The following NELFA variants were observed in gnomAD, a reference collection of about 807,000 sequenced individuals.
NELFA encodes negative elongation factor complex member A, also known as negative elongation factor A.
In NELFA, 35 loss-of-function variants were observed where a neutral mutation model predicts 51.8. The ratio of observed to expected loss-of-function variants is 0.68; its 90% CI spans 0.52 to 0.90. The LOEUF is 0.90. Ranked by LOEUF, NELFA falls within the 40% of genes least tolerant of loss-of-function variation. NELFA has a pLI of 0.00. For synonymous variants in NELFA, 417 were observed against 338.4 expected (o/e 1.23, Z -2.55); for missense variants, 658 against 746.4 (o/e 0.88, Z 1.38).
At chr4:1,997,351 G>A (rs1728453263) in intron 1 of NELFA, among the ~76,000 whole-genome samples, 1 of 152,200 alleles carries the variant, frequency 6.6e-6, no homozygotes, top group Non-Finnish European at 1.5e-5. Flanking sequence ...GTCTGGGTAA[G>A]TAAAACTACA....
chr4:2,007,534 A>G (rs973747566), intron 1 of NELFA, among the ~76,000 whole-genome samples: 9 of 152,210 alleles, frequency 5.9e-5, no homozygotes, highest in African/African-American at 2.2e-4. Flanking sequence ...AAAATACACT[A>G]TGATACCATC....
intron 1 of NELFA, among the ~76,000 whole-genome samples, chr4:1,997,561 T>C (rs935126689): frequency 2.0e-5 from 3 of 152,356 alleles, no homozygotes; most frequent in East Asian, 3.9e-4. Context: ...TAAAGTTCCT[T>C]TGTGCTCACA....
rs746328582 is a variant in NELFA, at chr4:1,986,357, G to A, written c.680C>T (p.Thr227Met). The change falls in exon 5 of 11, where the codon ACG (threonine) becomes ATG (methionine). Residue 227 changes from threonine (T) to methionine (M), a missense_variant. Thr to Met is a moderately conservative substitution (Grantham distance 81). Around this residue, in one of 3 missense-constraint regions of NELFA, gnomAD observed 371 missense variants for 448.3 expected, o/e 0.83. Coordinates refer to ENST00000382882, the MANE Select transcript of NELFA (RefSeq NM_005663.5). ...IPKQAPFRSP[T>M]APSVFSPTGN... ...TGTGGGGCTGAAGACGCTGGGCGCCGTGGGGCTTCTGAAGGGCGCCTGCTT... is the reference window on the plus strand; with the variant it reads ...TGTGGGGCTGAAGACGCTGGGCGCCATGGGGCTTCTGAAGGGCGCCTGCTT... The A allele has an allele frequency of 1.1e-5, 17 of 1,608,140 alleles. No homozygotes were observed. Among genetic ancestry groups the A allele is most frequent in the Admixed American group, 1.0e-4 (6 of 59,286 alleles).
chr4:1,987,129 T>C (rs1351557681), intron 4 of NELFA, among the ~76,000 whole-genome samples: 1 of 152,178 alleles, frequency 6.6e-6, no homozygotes, highest in Non-Finnish European at 1.5e-5. Context: ...AGATGCCTTC[T>C]ACTAGGTCCC....
chr4:1,985,572 G>C (rs369812418), intron 7 of NELFA, among the ~76,000 whole-genome samples: 1 of 152,180 alleles, frequency 6.6e-6, no homozygotes, highest in Admixed American at 6.5e-5. Flanking sequence ...GCAGGTTCCC[G>C]CTCCAAGCCT....
In NELFA at chr4:1,989,222, A is replaced by C. The variant is rs1177784052; in HGVS notation, c.544+486T>G. Among the ~76,000 whole-genome samples the C allele has an allele frequency of 6.6e-6, 1 of 152,228 alleles. No homozygotes were observed. The highest frequency in any genetic ancestry group is 1.9e-4 in the East Asian group (1 of 5,202). The stretch of plus-strand genomic sequence containing the variant: ...CAGCCTCCCAAAGTGCTGGGTTTAC[A>C]GGTGTGAGCCACCATGCCCAGCCTA... On this transcript the variant is annotated intron_variant, in intron 3 of 10. Transcript: ENST00000382882. This position sits in a 1 kb window ranked among gnomAD's most constrained non-coding sequence, Gnocchi z 4.8.
At chr4:1,992,800 G>C (rs1728311446) in intron 1 of NELFA, among the ~76,000 whole-genome samples, 1 of 152,210 alleles carries the variant, frequency 6.6e-6, no homozygotes, top group South Asian at 2.1e-4. Flanking sequence ...GCAGAGATCA[G>C]AGGTCGTGCC....
In NELFA at chr4:1,983,643, G is replaced by A. The variant is rs1038710470; in HGVS notation, c.1355C>T (p.Thr452Met). ...CAGGATGAGGGCCTTCTCGGGCCGCGTGACTTTGTTGGCCGTCTTGAACAT... is the reference window on the plus strand; with the variant it reads ...CAGGATGAGGGCCTTCTCGGGCCGCATGACTTTGTTGGCCGTCTTGAACAT... The part of the protein sequence containing the change: ...QEMFKTANKV[T>M]RPEKALILGF... Residue 452 changes from threonine to methionine, a missense_variant, in exon 10 of 11, where the codon ACG becomes ATG. Around this residue, in one of 3 missense-constraint regions of NELFA, gnomAD observed 87 missense variants for 130.2 expected, o/e 0.67. Transcript: ENST00000382882. 3.7e-6 allele frequency: 6 copies of A among 1,614,092 alleles called. No homozygotes were observed. Among genetic ancestry groups the A allele is most frequent in the Non-Finnish European group, 4.2e-6 (5 of 1,179,980 alleles).
intron 1 of NELFA, among the ~76,000 whole-genome samples, chr4:1,999,934 C>A (rs1431850271): frequency 6.6e-6 from 1 of 152,156 alleles, no homozygotes; most frequent in Non-Finnish European, 1.5e-5. Flanking sequence ...GTCTCTCAGA[C>A]CACAGTGCAA....
At chr4:1,992,755 T>A in intron 1 of NELFA, 1 of 177,184 alleles carries the variant, frequency 5.6e-6, no homozygotes, top group Non-Finnish European at 1.2e-5. Context: ...ACTGTCCTCA[T>A]GGGCTTCCTG....
chr4:1,985,888 G>T lies in NELFA; in HGVS notation c.836-24C>A, dbSNP rs747197729. On this transcript the variant is annotated intron_variant, in intron 6 of 10. Coordinates refer to ENST00000382882, the MANE Select transcript of NELFA (RefSeq NM_005663.5). ...ATCTGTGGACAAAACAGGAGTCCTC[G>T]CCAGTGCCCGGGCGCGTCTGCAGTG... 1.0e-5 allele frequency: 16 copies of T among 1,591,984 alleles called. No individual in the cohort carries two copies. In the East Asian group the frequency reaches 3.6e-4, roughly 36 times the overall value.
intron 2 of NELFA, 90 bp downstream of exon 2, chr4:1,991,454 G>T: frequency 7.4e-7 from 1 of 1,354,322 alleles, no homozygotes; most frequent in Non-Finnish European, 1.0e-6. Context: ...AAAACGTAAA[G>T]GTCTAAAAAT....
rs769118364 is a variant in NELFA, at chr4:1,984,827, G to C, written c.1017C>G (p.Pro339=). 9.6e-6 allele frequency: 15 copies of C among 1,567,618 alleles called. No homozygotes were observed. The South Asian group carries it at 1.8e-4, about 18-fold the overall frequency. The change falls in exon 8 of 11, where the codon CCC becomes CCG. Residue 339 remains proline (P), a synonymous_variant. Coordinates refer to ENST00000382882, the MANE Select transcript of NELFA (RefSeq NM_005663.5). ...PSVVPASSYI[P]SSETPPAPSS... ...ACTCACCTGGGGGCGTCTCGGAGCT[G>C]GGGATGTAGGAGGAGGCGGGAACCA...
At position 1,985,050 on chromosome 4, in the gene NELFA, C is replaced by T. The variant is rs553867035; in HGVS notation, c.925-131G>A. On this transcript the variant is annotated intron_variant, in intron 7 of 10. Transcript: ENST00000382882. ...AGCTAGAGCAGGAAGGCGGGGGCCA[C>T]TCTCCCGAGCTCCCTGGGCTAGACA... 2.7e-5 allele frequency: 17 copies of T among 641,002 alleles called. No individual in the cohort carries two copies. In the South Asian group the frequency reaches 3.3e-4, roughly 12 times the overall value. 39.7% of individuals were successfully genotyped at this position (641,002 alleles called of 1,614,324 possible). A position where few individuals can be genotyped will look rare whatever the true frequency, so the allele number is the denominator to read the frequency against.
In NELFA at chr4:1,983,367, G is replaced by A; in HGVS notation, c.1539C>T (p.Gly513=). 1.2e-6 allele frequency: 2 copies of A among 1,614,222 alleles called. No individual in the cohort carries two copies. Among genetic ancestry groups the A allele is most frequent in the South Asian group, 1.1e-5 (1 of 91,090 alleles). Residue 513 remains glycine (G), a synonymous_variant, in exon 11 of 11, where the codon GGC becomes GGT. Transcript: ENST00000382882. The stretch of plus-strand genomic sequence containing the variant: ...TGTACTTCTTGAAGCGCGTCCACTG[G>A]CCCGTGGCATAGTTCATCTCAAACA... ...DTVFEMNYAT[G]QWTRFKKYKP...
At chr4:1,991,448 C>T (rs1272906928) in intron 2 of NELFA, 96 bp downstream of exon 2, 5 of 1,309,960 alleles carry the variant, frequency 3.8e-6, no homozygotes, top group Admixed American at 3.7e-5. Flanking sequence ...CACGGAAAAA[C>T]GTAAAGGTCT....
chr4:2,007,034 G>T, intron 1 of NELFA: 1 of 235,260 alleles, frequency 4.3e-6, no homozygotes, highest in Non-Finnish European at 9.3e-6. Context: ...GAGGCAAGCA[G>T]ATTGCTTGAG....
Position 1,989,889 on chromosome 4 carries a change from G to C in NELFA, c.383-20C>G, listed in dbSNP as rs913528931. On this transcript the variant is annotated intron_variant, in intron 2 of 10. Coordinates refer to ENST00000382882, the MANE Select transcript of NELFA (RefSeq NM_005663.5). This position sits in a 1 kb window ranked among gnomAD's most constrained non-coding sequence, Gnocchi z 4.8. ...CACCCACTGCCGGTAAGAACCACAT[G>C]AAGTTAGGGGCGCCCAGGCCGCAGA... The C allele has an allele frequency of 9.3e-6, 15 of 1,607,524 alleles. No homozygotes were observed. The highest frequency in any genetic ancestry group is 1.7e-5 in the Admixed American group (1 of 58,948).
At position 1,988,052 on chromosome 4, in the gene NELFA, G is replaced by A. The variant is rs761655370; in HGVS notation, c.545-45C>T. Reference sequence around the variant, plus strand: ...TATGTCAGGGATCCTCAGAGCGAGAGCCCTTGGCCCTTGTAAAAACATCTC... The same window carrying A: ...TATGTCAGGGATCCTCAGAGCGAGAACCCTTGGCCCTTGTAAAAACATCTC... On this transcript the variant is annotated intron_variant, in intron 3 of 10. Coordinates refer to ENST00000382882, the MANE Select transcript of NELFA (RefSeq NM_005663.5). 2.2e-5 allele frequency: 33 copies of A among 1,501,646 alleles called. 1 individual carries two copies. The South Asian group carries it at 3.6e-4, about 17-fold the overall frequency. 93.0% of individuals were successfully genotyped at this position (1,501,646 alleles called of 1,614,324 possible). A position where few individuals can be genotyped will look rare whatever the true frequency, so the allele number is the denominator to read the frequency against.
Sources: allele counts gnomAD v4.1 joint callset (sites outside exome capture counted in the v4.1 genomes callset), GRCh38; gene constraint gnomAD v4.1.1; regional missense constraint gnomAD v4.1.1; non-coding constraint Gnocchi (gnomAD v3.1); transcripts MANE v1.5; gene names NCBI Gene and HGNC (gene_info 2026-07-23, HGNC 2026-07-21).